Variants in RAB28 observed in about 807,000 individuals in gnomAD.
The protein encoded by RAB28 is RAB28, member RAS oncogene family.
In RAB28, 24 loss-of-function variants were observed where a neutral mutation model predicts 31.7. The ratio of observed to expected loss-of-function variants is 0.76; its 90% confidence interval spans 0.55 to 1.06. The LOEUF is 1.06. RAB28 is among the 50% of genes least tolerant of loss of function. RAB28 has a pLI of 0.00. For missense variants in RAB28, 254 were observed against 258.5 expected, an observed-to-expected ratio of 0.98 and a Z score of 0.12; for synonymous variants, 100 against 90.4, an observed-to-expected ratio of 1.11 and a Z score of -0.60.
chr4:13,444,651 T>C (rs1219595200), intron 4 of RAB28, among the ~76,000 whole-genome samples: 1 of 152,246 alleles, frequency 6.6e-6, no homozygotes, highest in Admixed American at 6.5e-5. Flanking sequence ...TTCTTCACAT[T>C]CTTGCCAATA....
intron 4 of RAB28, among the ~76,000 whole-genome samples, chr4:13,393,855 CAA>C (rs759509251): frequency 0.027 from 2,174 of 79,318 alleles, 6 homozygotes; most frequent in Middle Eastern, 0.05. Context: ...TCACAGGCTA[CAA>C]AAAAAAAAAA....
intron 4 of RAB28, among the ~76,000 whole-genome samples, chr4:13,399,826 C>A (rs1711643022): frequency 6.6e-6 from 1 of 152,104 alleles, no homozygotes; most frequent in South Asian, 2.1e-4. Context: ...CACACCTTCT[C>A]CCAGTTTGTG....
chr4:13,380,548 C>T (rs915214572), intron 5 of RAB28, among the ~76,000 whole-genome samples: 1 of 151,982 alleles, frequency 6.6e-6, no homozygotes, highest in Non-Finnish European at 1.5e-5. Context: ...CAAAGAAATT[C>T]AAATTTAAAT....
At chr4:13,371,578 C>G (rs1728715145) in intron 6 of RAB28, 1 of 985,178 alleles carries the variant, frequency 1.0e-6, no homozygotes, top group Non-Finnish European at 1.2e-6. Flanking sequence ...CAGCATCATT[C>G]TCAGGGGCTT....
At chr4:13,453,001 C>A (rs919292450) in intron 4 of RAB28, among the ~76,000 whole-genome samples, 11 of 151,994 alleles carry the variant, frequency 7.2e-5, no homozygotes, top group South Asian at 2.1e-4. Context: ...TTGCTGAATT[C>A]ATCCTTTTAT....
rs187170948 is a variant in RAB28, at chr4:13,437,575, G to A, written c.391+23124C>T. On this transcript the variant is annotated intron_variant, in intron 4 of 6. Transcript: ENST00000330852. ...TACAACACTTCTCAAAAGAGGACACGCAAGCAGCCAACAAACCTGAAAAAA... is the reference window on the plus strand; with the variant it reads ...TACAACACTTCTCAAAAGAGGACACACAAGCAGCCAACAAACCTGAAAAAA... Among the ~76,000 whole-genome samples the A allele has an allele frequency of 8.2e-4, 124 of 152,058 alleles. 2 individuals are homozygous for A. In the East Asian group the frequency reaches 0.015, roughly 19 times the overall value.
At chr4:13,439,039 T>A (rs573956543) in intron 4 of RAB28, among the ~76,000 whole-genome samples, 2 of 152,336 alleles carry the variant, frequency 1.3e-5, no homozygotes, top group East Asian at 3.9e-4. Context: ...ATGATGAGTA[T>A]ATTTTCATGT....
At chr4:13,470,071 A>C (rs1716047220) in intron 3 of RAB28, among the ~76,000 whole-genome samples, 1 of 152,098 alleles carries the variant, frequency 6.6e-6, no homozygotes, top group African/African-American at 2.4e-5. Flanking sequence ...ATAGTTCGTC[A>C]GTGTAACACG....
In RAB28 at chr4:13,392,131, C is replaced by A. The variant is rs527245034; in HGVS notation, c.392-10537G>T. Among the ~76,000 whole-genome samples, 43 of 152,202 alleles carry A rather than the reference C, an allele frequency of 2.8e-4. 1 individual carries two copies. The South Asian group carries it at 8.5e-3, about 30-fold the overall frequency. On this transcript the variant is annotated intron_variant, in intron 4 of 6. Transcript: ENST00000330852. ...AATCTAAAGTTGTCACTTTTATCCT[C>A]CATTTGGCCCTGCTGATTCTAGTGG...
At chr4:13,446,896 C>A (rs1372477524) in intron 4 of RAB28, among the ~76,000 whole-genome samples, 2 of 152,144 alleles carry the variant, frequency 1.3e-5, no homozygotes, top group Admixed American at 1.3e-4. Flanking sequence ...TTAATAAGCA[C>A]CTCACACTTA....
intron 4 of RAB28, among the ~76,000 whole-genome samples, chr4:13,436,663 C>G (rs1192163016): frequency 6.6e-6 from 1 of 152,102 alleles, no homozygotes; most frequent in Non-Finnish European, 1.5e-5. Flanking sequence ...GGTGAAAGAT[C>G]TCTGAGGAAA....
At chr4:13,411,750 T>A (rs943181105) in intron 4 of RAB28, among the ~76,000 whole-genome samples, 9 of 151,648 alleles carry the variant, frequency 5.9e-5, no homozygotes, top group Non-Finnish European at 1.2e-4. Context: ...TCCAAATCTC[T>A]AGGGGGAAAA....
chr4:13,405,434 C>G (rs1560279402), intron 4 of RAB28, among the ~76,000 whole-genome samples: 1 of 152,078 alleles, frequency 6.6e-6, no homozygotes, highest in Non-Finnish European at 1.5e-5. Flanking sequence ...AGATAATATA[C>G]TTGAAAACTA....
rs1729130406 is a variant in RAB28 at position 13,381,563 on chromosome 4, A to G, written c.423T>C (p.Pro141=). The G allele has an allele frequency of 1.2e-6, 2 of 1,613,312 alleles. No homozygotes were observed. The highest frequency in any genetic ancestry group is 2.2e-5 in the East Asian group (1 of 44,776). Residue 141 remains proline, a synonymous_variant, in exon 5 of 7, where the codon CCT becomes CCC. Transcript: ENST00000330852. ...CCTGGCAAAACCGTAAGTGTTTTTC[A>G]GGTTTTATTGTTCGCATATGCTCCA... ...IDLEHMRTIK[P]EKHLRFCQEN... is the part of the protein sequence containing the mutation.
chr4:13,413,468 AGCAGCCCTTCT>A (rs1712563344), intron 4 of RAB28, among the ~76,000 whole-genome samples: 1 of 152,226 alleles, frequency 6.6e-6, no homozygotes, highest in African/African-American at 2.4e-5. Context: ...TAAAGATCCT[AGCAGCCCTTCT>A]TTGTAAAAAG....
chr4:13,382,373 G>A (rs1028086966), intron 4 of RAB28, among the ~76,000 whole-genome samples: 5 of 151,834 alleles, frequency 3.3e-5, no homozygotes, highest in African/African-American at 1.2e-4. Flanking sequence ...CAAATTATAA[G>A]GCAAATATAT....
Position 13,370,150 on chromosome 4 carries a change from C to T in RAB28, c.574-1500G>A, listed in dbSNP as rs56042261. 6.1e-4 allele frequency: 600 copies of T among 979,496 alleles called. 7 individuals carry two copies. In the African/African-American group the frequency reaches 9.8e-3, roughly 16 times the overall value. The allele number at this position is 979,496 out of a possible 1,614,324, so 60.7% of individuals were successfully genotyped here. A position where few individuals can be genotyped will look rare whatever the true frequency, so the allele number is the denominator to read the frequency against. ...ACACAAACAGCAGAATGTACACATA[C>T]AAAAGGAAAGAAAAGGAAAGGAACA... On this transcript the variant is annotated intron_variant, in intron 6 of 6. Coordinates refer to ENST00000330852, the MANE Select transcript of RAB28 (RefSeq NM_001017979.3).
chr4:13,375,628 C>T (rs1205840172), intron 6 of RAB28, among the ~76,000 whole-genome samples: 1 of 152,084 alleles, frequency 6.6e-6, no homozygotes, highest in African/African-American at 2.4e-5. Context: ...TGTATTTGGC[C>T]ATACCAAGTG....
intron 4 of RAB28, among the ~76,000 whole-genome samples, chr4:13,410,156 G>A (rs966994987): frequency 5.3e-5 from 8 of 152,050 alleles, no homozygotes; most frequent in South Asian, 2.1e-4. Context: ...TACAGCCTAC[G>A]GGACTTTGAG....
Sources: gnomAD v4.1 joint callset for allele counts (sites outside exome capture counted in the v4.1 genomes callset) on GRCh38, gnomAD v4.1.1 for gene constraint, MANE v1.5 for transcripts, NCBI Gene and HGNC (gene_info 2026-07-23, HGNC 2026-07-21) for gene names.